Variants in ROBO2 observed in about 807,000 individuals in gnomAD.
The protein encoded by ROBO2 is roundabout guidance receptor 2.
ROBO2 carries 53 observed loss-of-function variants against 160.8 expected under a neutral mutation model. The observed-to-expected ratio is 0.33, with a 90% CI of 0.26 to 0.41. ROBO2 has a LOEUF of 0.41. ROBO2 is among the 10% of genes least tolerant of loss of function. The pLI is 1.00. For missense variants in ROBO2, 1,577 were observed against 1,722.4 expected (o/e 0.92, Z 1.49); for synonymous variants, 664 against 611.7 (o/e 1.09, Z -1.26).
rs371186441 is a variant in ROBO2, at chr3:76,451,317, T to A, written c.109+513715T>A. Reference sequence around the variant, plus strand: ...AAACAGCATTATTTGTTCCTGTTTTTGTAGTGGGTTAAACAGTAGCATAAC... The same window carrying A: ...AAACAGCATTATTTGTTCCTGTTTTAGTAGTGGGTTAAACAGTAGCATAAC... On this transcript the variant is annotated intron_variant, in intron 2 of 26. Transcript: ENST00000487694. Among the ~76,000 whole-genome samples, 5 of 152,188 alleles carry A rather than the reference T, an allele frequency of 3.3e-5. No homozygotes were observed. The East Asian group carries it at 5.8e-4, about 18-fold the overall frequency.
Position 77,180,416 on chromosome 3 carries a change from C to CTCTCTCTCTCTATATATATATATA in ROBO2, c.388+82077_388+82078insCTCTCTCTCTATATATATATATAT, listed in dbSNP as rs1433740534. Among the ~76,000 whole-genome samples, 635 of 90,470 alleles carry CTCTCTCTCTCTATATATATATATA rather than the reference C, an allele frequency of 7.0e-3. 2 individuals are homozygous for CTCTCTCTCTCTATATATATATATA. Among genetic ancestry groups the CTCTCTCTCTCTATATATATATATA allele is most frequent in the Non-Finnish European group, 0.01 (456 of 43,690 alleles). 59.4% of individuals were successfully genotyped at this position (90,470 alleles called of 152,430 possible). A position where few individuals can be genotyped will look rare whatever the true frequency, so the allele number is the denominator to read the frequency against. On this transcript the variant is annotated intron_variant, in intron 2 of 25. Transcript: ENST00000461745. ...TCTCTCTCTCTCTCTCTCTCTCTCT[C>CTCTCTCTCTCTATATATATATATA]TATATATATATATATGTATTTTTTT...
chr3:76,407,484 CAG>C (rs2108804970), intron 2 of ROBO2, among the ~76,000 whole-genome samples: 1 of 151,872 alleles, frequency 6.6e-6, no homozygotes, highest in Non-Finnish European at 1.5e-5. Context: ...ATGTTTGAAG[CAG>C]AGTTAATACT....
intron 2 of ROBO2, among the ~76,000 whole-genome samples, chr3:76,162,054 G>A (rs1004189798): frequency 1.3e-5 from 2 of 152,112 alleles, no homozygotes; most frequent in African/African-American, 2.4e-5. Context: ...TTGCTACCAT[G>A]AGTCATGACT....
At chr3:76,857,236 C>T (rs1240479684) in intron 2 of ROBO2, among the ~76,000 whole-genome samples, 2 of 152,156 alleles carry the variant, frequency 1.3e-5, no homozygotes, top group East Asian at 3.9e-4. Context: ...CCGCCCGCCT[C>T]GGCCTCCCAA....
intron 2 of ROBO2, among the ~76,000 whole-genome samples, chr3:76,720,056 C>T (rs1013796128): frequency 3.9e-5 from 6 of 152,030 alleles, no homozygotes; most frequent in East Asian, 1.9e-4. Flanking sequence ...ACATCCAATG[C>T]GATGGAATTA....
rs569657797 is a variant in ROBO2, at chr3:76,216,855, A to G, written c.109+279253A>G. Among the ~76,000 whole-genome samples, 181 of 152,332 alleles carry G rather than the reference A, an allele frequency of 1.2e-3. 2 individuals carry two copies. The highest frequency in any genetic ancestry group is 3.9e-3 in the African/African-American group (164 of 41,572). Reference sequence around the variant, plus strand: ...TCTCCACCCAAAATCAACAGAATATAAATTCTTTTCAGCACCACACCACAC... The same window carrying G: ...TCTCCACCCAAAATCAACAGAATATGAATTCTTTTCAGCACCACACCACAC... On this transcript the variant is annotated intron_variant, in intron 2 of 26. Transcript: ENST00000487694.
At chr3:77,167,913 T>A (rs890689432) in intron 2 of ROBO2, among the ~76,000 whole-genome samples, 2 of 152,196 alleles carry the variant, frequency 1.3e-5, no homozygotes, top group African/African-American at 4.8e-5. Flanking sequence ...CTTTGTTGTT[T>A]CCTGTAAAAC....
Position 76,596,759 on chromosome 3 carries a change from T to C in ROBO2, c.110-501255T>C, listed in dbSNP as rs576899560. 4.6e-3 allele frequency among the ~76,000 whole-genome samples: 707 copies of C among 152,250 alleles called. 5 individuals are homozygous for C. Among genetic ancestry groups the C allele is most frequent in the Non-Finnish European group, 6.9e-3 (466 of 67,998 alleles). ...CTTTCATAAAAGAGATACAGTCTGC[T>C]AACCCATTCACCCTGATGGCCCATT... On this transcript the variant is annotated intron_variant, in intron 2 of 26. Transcript: ENST00000487694.
intron 2 of ROBO2, among the ~76,000 whole-genome samples, chr3:76,752,809 C>A (rs1383454887): frequency 5.5e-5 from 5 of 90,536 alleles, no homozygotes; most frequent in African/African-American, 2.1e-4. Context: ...ATATAGTATG[C>A]AGCATTTAAA....
At chr3:77,002,917 C>T (rs938622510) in intron 2 of ROBO2, among the ~76,000 whole-genome samples, 4 of 152,092 alleles carry the variant, frequency 2.6e-5, no homozygotes, top group South Asian at 2.1e-4. Flanking sequence ...TCAAAGCATT[C>T]TGATGACTGA....
At chr3:77,592,708 C>A in intron 17 of ROBO2, among the ~76,000 whole-genome samples, 1 of 151,976 alleles carries the variant, frequency 6.6e-6, no homozygotes, top group Non-Finnish European at 1.5e-5. Flanking sequence ...CTTGCCACTG[C>A]GCCCGGCTAA....
intron 4 of ROBO2, among the ~76,000 whole-genome samples, chr3:77,492,072 G>C (rs1361956339): frequency 6.6e-6 from 1 of 152,064 alleles, no homozygotes; most frequent in Admixed American, 6.6e-5. Context: ...TTGTGCCACT[G>C]TATACAAAAT....
intron 2 of ROBO2, among the ~76,000 whole-genome samples, chr3:75,965,492 G>A (rs1221393855): frequency 6.6e-6 from 1 of 152,208 alleles, no homozygotes. Flanking sequence ...TGTCCTTTGT[G>A]ATTAGTGTAA....
At chr3:76,424,017 A>G (rs867657580) in intron 2 of ROBO2, among the ~76,000 whole-genome samples, 1 of 152,174 alleles carries the variant, frequency 6.6e-6, no homozygotes, top group Non-Finnish European at 1.5e-5. Flanking sequence ...ACGTCGATGA[A>G]TCAAGTTCAC....
intron 2 of ROBO2, among the ~76,000 whole-genome samples, chr3:76,420,795 T>C (rs1049817889): frequency 2.0e-5 from 3 of 152,246 alleles, no homozygotes; most frequent in African/African-American, 7.2e-5. Flanking sequence ...GTATTAACAA[T>C]TCTAACTGAT....
At chr3:77,252,681 G>T (rs575063662) in intron 2 of ROBO2, among the ~76,000 whole-genome samples, 1 of 149,280 alleles carries the variant, frequency 6.7e-6, no homozygotes, top group South Asian at 2.1e-4. Context: ...GGTGGCGGGC[G>T]CCTGTAGTCC....
intron 2 of ROBO2, among the ~76,000 whole-genome samples, chr3:77,223,827 G>A (rs2086138335): frequency 2.0e-5 from 3 of 151,660 alleles, no homozygotes; most frequent in Non-Finnish European, 4.4e-5. Flanking sequence ...GGTTTGGATT[G>A]TTTATTTTAA....
chr3:76,940,138 C>T (rs538411764), intron 2 of ROBO2, among the ~76,000 whole-genome samples: 2 of 152,122 alleles, frequency 1.3e-5, no homozygotes, highest in Admixed American at 6.5e-5. Context: ...CCCGCCACCA[C>T]GCCCGGGTAA....
intron 2 of ROBO2, among the ~76,000 whole-genome samples, chr3:76,593,397 G>GAA: frequency 6.6e-6 from 1 of 152,162 alleles, no homozygotes; most frequent in East Asian, 1.9e-4. Context: ...GAGCACTTCT[G>GAA]AAATAGCTGC....
Sources: gnomAD v4.1 joint callset for allele counts (sites outside exome capture counted in the v4.1 genomes callset) on GRCh38, gnomAD v4.1.1 for gene constraint, MANE v1.5 for transcripts, NCBI Gene and HGNC (gene_info 2026-07-23, HGNC 2026-07-21) for gene names.